Variants in HS3ST5 observed in about 807,000 individuals in gnomAD.
The protein encoded by HS3ST5 is heparan sulfate-glucosamine 3-sulfotransferase 5.
Under a neutral mutation model 25.4 loss-of-function variants are expected in HS3ST5, and 10 were observed. That is an observed-to-expected ratio of 0.39 (90% CI 0.24 to 0.67). The LOEUF (loss-of-function observed/expected upper bound fraction) is 0.67, where lower values mean the gene tolerates loss of function less well. HS3ST5 is among the 30% of genes least tolerant of loss of function. HS3ST5 has a pLI of 0.44. For synonymous variants in HS3ST5, 170 were observed against 162.4 expected, an observed-to-expected ratio of 1.05 and a Z score of -0.36; for missense variants, 324 against 420.7, an observed-to-expected ratio of 0.77 and a Z score of 2.01.
chr6:114,105,746 T>C (rs1775960235), intron 3 of HS3ST5, among the ~76,000 whole-genome samples: 1 of 152,168 alleles, frequency 6.6e-6, no homozygotes, highest in African/African-American at 2.4e-5. Context: ...CTGTTTTCTG[T>C]GTCAATAAAC....
chr6:114,232,695 G>C (rs1057252076), intron 1 of HS3ST5, among the ~76,000 whole-genome samples: 1 of 152,276 alleles, frequency 6.6e-6, no homozygotes, highest in African/African-American at 2.4e-5. Context: ...AAAGGAATCA[G>C]AGCAGATTTG....
chr6:114,058,113 T>C lies in HS3ST5; in HGVS notation c.185A>G (p.Gln62Arg). 1.9e-6 allele frequency: 3 copies of C among 1,613,996 alleles called. No homozygotes were observed. In the South Asian group the frequency reaches 3.3e-5, roughly 18 times the overall value. ...TQAEFPLRAL[Q>R]FKRGLLHEFR... is the part of the protein sequence containing the mutation. ...CTCGTGCAGCAGGCCACGCTTAAAC[T>C]GCAGGGCGCGAAGTGGGAATTCAGC... The change falls in exon 5 of 5, where the codon CAG becomes CGG. Residue 62 changes from glutamine (Q) to arginine (R), a missense_variant. Physicochemically the swap from Gln to Arg is conservative, Grantham distance 43. This residue lies in a region of HS3ST5 where 121 missense variants were observed against 117.3 expected (regional missense o/e 1.03). Transcript: ENST00000312719.
At chr6:114,232,268 T>C (rs115733979) in intron 1 of HS3ST5, among the ~76,000 whole-genome samples, 143 of 152,328 alleles carry the variant, frequency 9.4e-4, no homozygotes, top group African/African-American at 3.3e-3. Flanking sequence ...ATAAGAAAGC[T>C]CATGAAGGTC....
chr6:114,083,635 T>C (rs1275738217), intron 3 of HS3ST5, among the ~76,000 whole-genome samples: 2 of 152,210 alleles, frequency 1.3e-5, no homozygotes, highest in African/African-American at 2.4e-5. Flanking sequence ...CTCTTTTACT[T>C]TGGTGTTCTA....
At chr6:114,183,775 G>A (rs1780074608) in intron 2 of HS3ST5, among the ~76,000 whole-genome samples, 1 of 152,196 alleles carries the variant, frequency 6.6e-6, no homozygotes, top group South Asian at 2.1e-4. Flanking sequence ...GAGAGATGTA[G>A]AGGAAGTTTC....
intron 1 of HS3ST5, among the ~76,000 whole-genome samples, chr6:114,253,698 C>T (rs992066467): frequency 1.3e-5 from 2 of 152,160 alleles, no homozygotes; most frequent in African/African-American, 2.4e-5. Flanking sequence ...AAGGGAATAA[C>T]GAGATTCAAT....
intron 1 of HS3ST5, among the ~76,000 whole-genome samples, chr6:114,268,403 G>A (rs1773500919): frequency 6.6e-6 from 1 of 152,064 alleles, no homozygotes; most frequent in South Asian, 2.1e-4. Context: ...TAACTACAAA[G>A]GATGGAAACA....
intron 3 of HS3ST5, among the ~76,000 whole-genome samples, chr6:114,121,675 A>G (rs1004722195): frequency 6.6e-6 from 1 of 152,176 alleles, no homozygotes; most frequent in Non-Finnish European, 1.5e-5. Flanking sequence ...ATAGTTGTAT[A>G]GTATTAGTGC....
intron 3 of HS3ST5, among the ~76,000 whole-genome samples, chr6:114,125,569 A>G (rs543769793): frequency 7.4e-4 from 112 of 152,286 alleles, no homozygotes; most frequent in African/African-American, 2.6e-3. Context: ...AATTCTTAAG[A>G]AATTGGTAGT....
At chr6:114,242,847 G>A (rs1216440537) in intron 1 of HS3ST5, among the ~76,000 whole-genome samples, 34 of 140,318 alleles carry the variant, frequency 2.4e-4, no homozygotes, top group Non-Finnish European at 4.3e-4. Context: ...GCGACAGAGC[G>A]AGACTCCGTC....
At chr6:114,203,992 C>T (rs1183308432) in intron 2 of HS3ST5, among the ~76,000 whole-genome samples, 5 of 152,138 alleles carry the variant, frequency 3.3e-5, no homozygotes, top group African/African-American at 1.2e-4. Context: ...AGAGTGATTC[C>T]CTACCCTCCA....
At chr6:114,150,728 G>T (rs1025795542) in intron 3 of HS3ST5, among the ~76,000 whole-genome samples, 1 of 152,036 alleles carries the variant, frequency 6.6e-6, no homozygotes, top group African/African-American at 2.4e-5. Flanking sequence ...CTGAGTGTAG[G>T]AGATGTATTC....
intron 3 of HS3ST5, among the ~76,000 whole-genome samples, chr6:114,139,808 G>A (rs1312960702): frequency 1.3e-5 from 2 of 152,164 alleles, no homozygotes; most frequent in East Asian, 3.9e-4. Flanking sequence ...CATACTGGCA[G>A]GAAATGGCAG....
chr6:114,341,220 GGGGA>G (rs1241353223), intron 1 of HS3ST5, among the ~76,000 whole-genome samples: 9 of 33,376 alleles, frequency 2.7e-4, no homozygotes, highest in African/African-American at 1.9e-3. Context: ...AGGGAGAGAG[GGGGA>G]GAGAGAGAGA....
rs79276444 is a variant in HS3ST5 at position 114,242,168 on chromosome 6, G to T, written c.-338-13390C>A. On this transcript the variant is annotated intron_variant, in intron 1 of 4. Coordinates refer to ENST00000312719, the MANE Select transcript of HS3ST5 (RefSeq NM_153612.4). Reference sequence around the variant, plus strand: ...AAACTGAGAGGTGTTGGATCTGATTGAATTTTTAGGACAGTAGGGAAAAAT... The same window carrying T: ...AAACTGAGAGGTGTTGGATCTGATTTAATTTTTAGGACAGTAGGGAAAAAT... Among the ~76,000 whole-genome samples, 38 of 152,212 alleles carry T rather than the reference G, an allele frequency of 2.5e-4. 1 individual carries two copies. In the East Asian group the frequency reaches 7.2e-3, roughly 29 times the overall value.
intron 1 of HS3ST5, among the ~76,000 whole-genome samples, chr6:114,231,760 T>TAAAAAAAAA (rs11333317): frequency 7.1e-6 from 1 of 141,262 alleles, no homozygotes; most frequent in Non-Finnish European, 1.5e-5. Flanking sequence ...CTATTCTATT[T>TAAAAAAAAA]AAAAAAAAAA....
chr6:114,333,242 G>C (rs1776475687), intron 1 of HS3ST5, among the ~76,000 whole-genome samples: 1 of 152,190 alleles, frequency 6.6e-6, no homozygotes, highest in South Asian at 2.1e-4. Flanking sequence ...CAAGTGGGAG[G>C]AGATGATCTT....
intron 2 of HS3ST5, among the ~76,000 whole-genome samples, chr6:114,219,829 C>T (rs1383809507): frequency 6.6e-6 from 1 of 151,966 alleles, no homozygotes; most frequent in Admixed American, 6.6e-5. Flanking sequence ...GGTAGAAGAT[C>T]CAGTTTTTAG....
chr6:114,331,414 G>A (rs977933342), intron 1 of HS3ST5, among the ~76,000 whole-genome samples: 9 of 152,012 alleles, frequency 5.9e-5, no homozygotes, highest in African/African-American at 2.2e-4. Context: ...CACATAATTA[G>A]GGAATATTAA....
Sources: gnomAD v4.1 joint callset for allele counts (sites outside exome capture counted in the v4.1 genomes callset) on GRCh38, gnomAD v4.1.1 for gene constraint, gnomAD v4.1.1 regional missense constraint, MANE v1.5 for transcripts, NCBI Gene and HGNC (gene_info 2026-07-23, HGNC 2026-07-21) for gene names.